The following SLC9D1 variants were observed in gnomAD, a reference collection of about 807,000 sequenced individuals.
SLC9D1 encodes putative LAG1-interacting protein.
the SLC9D1 span, among the ~76,000 whole-genome samples, chr13:113,512,604 G>A: frequency 7.3e-5 from 11 of 150,988 alleles, no homozygotes; most frequent in African/African-American, 2.4e-4. Flanking sequence ...GAGTGTAAAC[G>A]GAGAGAGTCA....
the SLC9D1 span, chr13:113,534,023 A>G: frequency 1.9e-6 from 3 of 1,558,940 alleles, no homozygotes; most frequent in African/African-American, 4.2e-5. Context: ...AAGTGAAATC[A>G]CGTCTCTTTT....
the SLC9D1 span, among the ~76,000 whole-genome samples, chr13:113,502,104 TC>T: frequency 1.3e-5 from 2 of 152,212 alleles, no homozygotes; most frequent in Non-Finnish European, 2.9e-5. Flanking sequence ...CCTGCTCGTT[TC>T]CATTAGTTTT....
chr13:113,522,392 G>A, the SLC9D1 span, among the ~76,000 whole-genome samples: 2 of 152,202 alleles, frequency 1.3e-5, no homozygotes, highest in South Asian at 2.1e-4. Flanking sequence ...CCAGCCTGGA[G>A]TGCAGTGGCA....
At chr13:113,506,545 G>T in the SLC9D1 span, among the ~76,000 whole-genome samples, 1 of 138,370 alleles carries the variant, frequency 7.2e-6, no homozygotes, top group South Asian at 2.2e-4. Flanking sequence ...TGCAGCATGG[G>T]CGTGTGTGTG....
the SLC9D1 span, chr13:113,549,792 G>C: frequency 3.1e-6 from 2 of 645,444 alleles, no homozygotes; most frequent in Non-Finnish European, 5.6e-6. Flanking sequence ...CGATCACCTT[G>C]AATGTGGTGC....
At chr13:113,525,590 C>T in the SLC9D1 span, among the ~76,000 whole-genome samples, 2 of 87,042 alleles carry the variant, frequency 2.3e-5, no homozygotes, top group Non-Finnish European at 4.7e-5. Context: ...GCCGGTTATT[C>T]TAGAACAAGC....
chr13:113,534,153 C>G, the SLC9D1 span: 3 of 1,613,876 alleles, frequency 1.9e-6, no homozygotes, highest in East Asian at 2.2e-5. Context: ...TCATTGGACC[C>G]TATTATCGGA....
chr13:113,526,002 A>G, the SLC9D1 span, among the ~76,000 whole-genome samples: 1 of 148,518 alleles, frequency 6.7e-6, no homozygotes, highest in Admixed American at 6.7e-5. Context: ...GTTATTCTAG[A>G]AGAAGCCGTC....
chr13:113,498,542 GCTT>G, the SLC9D1 span: 1 of 1,552,708 alleles, frequency 6.4e-7, no homozygotes, highest in Non-Finnish European at 8.6e-7. Context: ...CAGAACAGCT[GCTT>G]CTTCACCTCC....
chr13:113,549,129 C>T, the SLC9D1 span, among the ~76,000 whole-genome samples: 1 of 152,308 alleles, frequency 6.6e-6, no homozygotes, highest in East Asian at 1.9e-4. Flanking sequence ...ATCACAGTCT[C>T]TCCTACATCC....
the SLC9D1 span, chr13:113,539,459 A>G: frequency 1.9e-6 from 3 of 1,613,534 alleles, no homozygotes; most frequent in East Asian, 4.5e-5. This position sits in a 1 kb window ranked among gnomAD's most constrained non-coding sequence, Gnocchi z 4.8. Context: ...CGCCACCTCC[A>G]TCGAACCCAT....
the SLC9D1 span, among the ~76,000 whole-genome samples, chr13:113,544,325 G>A: frequency 1.6e-3 from 248 of 152,370 alleles, 2 homozygotes; most frequent in African/African-American, 5.7e-3. Flanking sequence ...CCTGAGTGAG[G>A]AAGGGCTGCT....
chr13:113,520,202 C>T, the SLC9D1 span, among the ~76,000 whole-genome samples: 1 of 152,080 alleles, frequency 6.6e-6, no homozygotes, highest in Non-Finnish European at 1.5e-5. Context: ...ATGTAAAGTG[C>T]CGGCCGGGAG....
chr13:113,527,782 G>A, the SLC9D1 span: 1 of 136,504 alleles, frequency 7.3e-6, no homozygotes, highest in African/African-American at 2.9e-5. Flanking sequence ...TCTCTCCTGC[G>A]ATTGCGGAAA....
the SLC9D1 span, chr13:113,511,959 G>A: frequency 0.16 from 23,428 of 146,550 alleles, 1,624 homozygotes; most frequent in African/African-American, 0.3. Flanking sequence ...GGACTGGAGA[G>A]GCAGAGGGCC....
the SLC9D1 span, among the ~76,000 whole-genome samples, chr13:113,535,475 G>T: frequency 3.9e-5 from 6 of 152,166 alleles, no homozygotes; most frequent in African/African-American, 1.4e-4. The surrounding 1 kb of genome is among the most constrained non-coding windows in gnomAD (Gnocchi z 4.1). Context: ...CCAGAGAAAT[G>T]AAGCCGTGTT....
chr13:113,495,968 G>GAACATGAAGGAGAGCAGCC, the SLC9D1 span: 1 of 1,613,682 alleles, frequency 6.2e-7, no homozygotes, highest in Non-Finnish European at 8.5e-7. Flanking sequence ...AAGATGTCGT[G>GAACATGAAGGAGAGCAGCC]AACATGAAGG....
At chr13:113,491,876 G>A in the SLC9D1 span, among the ~76,000 whole-genome samples, 1 of 152,224 alleles carries the variant, frequency 6.6e-6, no homozygotes, top group African/African-American at 2.4e-5. Flanking sequence ...TTCACTGCCT[G>A]TTTTTCTGAT....
chr13:113,506,558 A>AGTGT, the SLC9D1 span, among the ~76,000 whole-genome samples: 442 of 109,854 alleles, frequency 4.0e-3, 1 homozygote, highest in African/African-American at 0.015. Context: ...TGTGTGTGTG[A>AGTGT]GTGTGTGTGT....
Sources: allele counts gnomAD v4.1 joint callset (sites outside exome capture counted in the v4.1 genomes callset), GRCh38; gene constraint gnomAD v4.1.1; non-coding constraint Gnocchi (gnomAD v3.1); transcripts MANE v1.5; gene names NCBI Gene and HGNC (gene_info 2026-07-23, HGNC 2026-07-21).